The following PRCD variants were observed in gnomAD, a reference collection of about 807,000 sequenced individuals.
PRCD encodes photoreceptor disc component, also known as photoreceptor disk component PRCD.
PRCD carries 12 observed loss-of-function variants against 10.1 expected under a neutral mutation model. The ratio of observed to expected loss-of-function variants is 1.18; its 90% CI spans 0.76 to 1.92. The LOEUF (loss-of-function observed/expected upper bound fraction) is 1.92. Among genes scored for constraint, PRCD ranks in the 40% most tolerant of loss-of-function variants. PRCD has a pLI of 0.00. For synonymous variants in PRCD, 31 were observed against 26.2 expected (o/e 1.18, Z -0.56); for missense variants, 61 against 72.2 (o/e 0.84, Z 0.56).
rs1232800553 is a variant in PRCD, at chr17:76,528,662, G to A, written n.45+829G>A. ...ACAAACGTTACCAGAGGCAGGGAAG[G>A]ACCCTCGGGGGAAAGGGGGAGGACC... On this transcript the variant is annotated intron_variant and non_coding_transcript_variant, in intron 1 of 4. Transcript: ENST00000397633. This position sits in a 1 kb window ranked among gnomAD's most constrained non-coding sequence, Gnocchi z 5.8. 3 of 1,251,974 alleles carry A rather than the reference G, an allele frequency of 2.4e-6. No individual in the cohort carries two copies. Among genetic ancestry groups the A allele is most frequent in the South Asian group, 3.9e-5 (1 of 25,514 alleles). 77.6% of individuals were successfully genotyped at this position (1,251,974 alleles called of 1,614,324 possible).
At position 76,542,633 on chromosome 17, in the gene PRCD, G is replaced by A. The variant is rs1435212517; in HGVS notation, c.*59G>A. On this transcript the variant is annotated splice_region_variant and 3_prime_UTR_variant, in exon 3 of 5. Transcript: ENST00000592014. ...AGACTGGGATCAGCTGGCTCAGGCA[G>A]GTAGGGCAGGGCTGGGAGCCGGGGA... 12 of 1,601,136 alleles carry A rather than the reference G, an allele frequency of 7.5e-6. No individual in the cohort carries two copies. Among genetic ancestry groups the A allele is most frequent in the Non-Finnish European group, 1.0e-5 (12 of 1,168,364 alleles).
intron 2 of PRCD, among the ~76,000 whole-genome samples, chr17:76,541,919 G>A (rs1486946093): frequency 6.6e-6 from 1 of 152,224 alleles, no homozygotes; most frequent in Admixed American, 6.5e-5. Context: ...GGTGCAGAGT[G>A]ATTGCTCCAT....
At chr17:76,549,305 T>TA (rs1236750337), downstream of PRCD, among the ~76,000 whole-genome samples, 4 of 152,180 alleles carry the variant, frequency 2.6e-5, no homozygotes, top group Admixed American at 6.5e-5. Flanking sequence ...CAACAAAAAA[T>TA]AAACATACAG....
At chr17:76,532,562 C>T (rs982659752) in intron 1 of PRCD, among the ~76,000 whole-genome samples, 3 of 140,924 alleles carry the variant, frequency 2.1e-5, no homozygotes, top group African/African-American at 7.9e-5. Flanking sequence ...GATGGAGTCT[C>T]ACTCTGTCAT....
rs748261845 is a variant in PRCD, at chr17:76,544,585, C to T, written c.*935C>T. ...GCCTGCAGAGGCAAAGCCAGAGCGCCAGCCTGACCCAGGCCGTGAGCCCGT... is the reference window on the plus strand; with the variant it reads ...GCCTGCAGAGGCAAAGCCAGAGCGCTAGCCTGACCCAGGCCGTGAGCCCGT... On this transcript the variant is annotated 3_prime_UTR_variant, in exon 5 of 5. Coordinates refer to ENST00000592014, the MANE Select transcript of PRCD (RefSeq NM_001077620.3). 5 of 456,606 alleles carry T rather than the reference C, an allele frequency of 1.1e-5. No individual in the cohort carries two copies. Among genetic ancestry groups the T allele is most frequent in the Non-Finnish European group, 2.2e-5 (5 of 226,988 alleles). The allele number at this position is 456,606 out of a possible 1,614,324, so 28.3% of individuals were successfully genotyped here.
chr17:76,547,906 A>ACACATTCACACACAC, downstream of PRCD, among the ~76,000 whole-genome samples: 1 of 128,082 alleles, frequency 7.8e-6, no homozygotes, highest in East Asian at 2.0e-4. Context: ...GACACACATA[A>ACACATTCACACACAC]CACATTCACA....
At position 76,528,303 on chromosome 17, in the gene PRCD, C is replaced by T. The variant is rs1478513880; in HGVS notation, n.45+470C>T. On this transcript the variant is annotated intron_variant and non_coding_transcript_variant, in intron 1 of 4. Transcript: ENST00000397633. The surrounding 1 kb of genome is among the most constrained non-coding windows in gnomAD (Gnocchi z 5.8). ...TAGACCTGTCCCGCTTCCTGCCAGC[C>T]GCTCAGCTAGGTCTCTCTCTAACAG... 8 of 400,246 alleles carry T rather than the reference C, an allele frequency of 2.0e-5. No homozygotes were observed. The highest frequency in any genetic ancestry group is 1.2e-4 in the South Asian group (1 of 8,318). 24.8% of individuals were successfully genotyped at this position (400,246 alleles called of 1,614,324 possible).
At position 76,533,505 on chromosome 17, in the gene PRCD, G is replaced by A. The variant is rs1418450788; in HGVS notation, n.45+5672G>A. ...TTTACGAGGCCGAGGCGGGTGGATT[G>A]CTTGAGCTCAGGCATTTGAGACCAG... On this transcript the variant is annotated intron_variant and non_coding_transcript_variant, in intron 1 of 4. Coordinates refer to the PRCD transcript ENST00000397633. The surrounding 1 kb of genome is among the most constrained non-coding windows in gnomAD (Gnocchi z 4.5). Among the ~76,000 whole-genome samples, 1 of 152,202 alleles carries A rather than the reference G, an allele frequency of 6.6e-6. No homozygotes were observed. Among genetic ancestry groups the A allele is most frequent in the Non-Finnish European group, 1.5e-5 (1 of 68,030 alleles).
rs1236502264 is a variant in PRCD, at chr17:76,528,037, G to A, written n.45+204G>A. 1.6e-5 allele frequency: 6 copies of A among 369,356 alleles called. No homozygotes were observed. The highest frequency in any genetic ancestry group is 3.1e-5 in the Non-Finnish European group (6 of 191,322). The allele number at this position is 369,356 out of a possible 1,614,324, so 22.9% of individuals were successfully genotyped here. ...AGAACACTCTGTTCTCTGCACAACC[G>A]GAACCCCTCCCTGCCCCACTCACAG... On this transcript the variant is annotated intron_variant and non_coding_transcript_variant, in intron 1 of 4. Transcript: ENST00000397633. This position sits in a 1 kb window ranked among gnomAD's most constrained non-coding sequence, Gnocchi z 5.8.
Position 76,540,515 on chromosome 17 carries a change from G to C in PRCD, c.85G>C (p.Asp29His), listed in dbSNP as rs372084413. ...TCTTGCCTCCCACAGAGAGCCCAGC[G>C]ACGTGGATGGGGCAGCTAGGGGCAG... Reference protein sequence around the residue: ...FANRVQPEPSDVDGAARGSSL... With the variant: ...FANRVQPEPSHVDGAARGSSL... The change falls in exon 2 of 5, where the codon GAC becomes CAC. Residue 29 changes from aspartate (D) to histidine (H), a missense_variant. By Grantham distance (81) the Asp-to-His change is moderately conservative (BLOSUM62 -1). Coordinates refer to ENST00000592014, the MANE Select transcript of PRCD (RefSeq NM_001077620.3). The surrounding 1 kb of genome is among the most constrained non-coding windows in gnomAD (Gnocchi z 5.0). The C allele has an allele frequency of 3.7e-5, 60 of 1,613,696 alleles. No individual in the cohort carries two copies. The highest frequency in any genetic ancestry group is 1.6e-4 in the Middle Eastern group (1 of 6,062).
In PRCD at chr17:76,529,751, G is replaced by A. The variant is rs2074812890; in HGVS notation, n.45+1918G>A. 3.0e-6 allele frequency: 3 copies of A among 985,214 alleles called. No homozygotes were observed. The South Asian group carries it at 1.4e-4, about 46-fold the overall frequency. 61.0% of individuals were successfully genotyped at this position (985,214 alleles called of 1,614,324 possible). A position where few individuals can be genotyped will look rare whatever the true frequency, so the allele number is the denominator to read the frequency against. Reference sequence around the variant, plus strand: ...TGAGGGGGCAACCACTGCTCTCCACGCCCTGCCAGTGCCCTCCTCTGGTGG... The same window carrying A: ...TGAGGGGGCAACCACTGCTCTCCACACCCTGCCAGTGCCCTCCTCTGGTGG... On this transcript the variant is annotated intron_variant and non_coding_transcript_variant, in intron 1 of 4. Coordinates refer to the PRCD transcript ENST00000397633.
Position 76,540,684 on chromosome 17 carries a change from C to A in PRCD, c.143+111C>A. The A allele has an allele frequency of 9.2e-7, 1 of 1,086,370 alleles. No homozygotes were observed. Among genetic ancestry groups the A allele is most frequent in the Non-Finnish European group, 1.4e-6 (1 of 721,198 alleles). The allele number at this position is 1,086,370 out of a possible 1,614,324, so 67.3% of individuals were successfully genotyped here. A position where few individuals can be genotyped will look rare whatever the true frequency, so the allele number is the denominator to read the frequency against. On this transcript the variant is annotated intron_variant, in intron 2 of 4. Coordinates refer to ENST00000592014, the MANE Select transcript of PRCD (RefSeq NM_001077620.3). This position sits in a 1 kb window ranked among gnomAD's most constrained non-coding sequence, Gnocchi z 5.0. ...GTGCGCGCCTGTGCGTGCACCGTAT[C>A]CTGGCCCTTGCCCTAAGCACCCTGC...
In PRCD at chr17:76,533,081, T is replaced by A. The variant is rs1222602374; in HGVS notation, n.45+5248T>A. Among the ~76,000 whole-genome samples, 1 of 152,196 alleles carries A rather than the reference T, an allele frequency of 6.6e-6. No individual in the cohort carries two copies. Among genetic ancestry groups the A allele is most frequent in the Non-Finnish European group, 1.5e-5 (1 of 68,032 alleles). On this transcript the variant is annotated intron_variant and non_coding_transcript_variant, in intron 1 of 4. Transcript: ENST00000397633. The surrounding 1 kb of genome is among the most constrained non-coding windows in gnomAD (Gnocchi z 4.5). ...TCTCAGATGTGAGGGCTGGAACAGA[T>A]GCGGAGAGGGCATCTGGCCGGGTCA...
At chr17:76,538,409 GCGCC>G (rs1598209480), upstream of PRCD, 1 of 426,456 alleles carries the variant, frequency 2.3e-6, no homozygotes, top group East Asian at 8.7e-5. Context: ...CCAGAGGCCT[GCGCC>G]CCCTCTCCTT....
Position 76,544,475 on chromosome 17 carries a change from C to T in PRCD, c.*825C>T, listed in dbSNP as rs1421842138. 1 of 455,652 alleles carries T rather than the reference C, an allele frequency of 2.2e-6. No homozygotes were observed. Among genetic ancestry groups the T allele is most frequent in the Non-Finnish European group, 4.4e-6 (1 of 226,986 alleles). 28.2% of individuals were successfully genotyped at this position (455,652 alleles called of 1,614,324 possible). On this transcript the variant is annotated 3_prime_UTR_variant, in exon 5 of 5. Coordinates refer to ENST00000592014, the MANE Select transcript of PRCD (RefSeq NM_001077620.3). ...CCTGCTGGTACCTCGGGGAGCCTGGCTGGGGTGTGTGCGAAGGCAGTTCTG... is the reference window on the plus strand; with the variant it reads ...CCTGCTGGTACCTCGGGGAGCCTGGTTGGGGTGTGTGCGAAGGCAGTTCTG...
At chr17:76,527,748 T>TC (rs2074784328), upstream of PRCD, 2 of 453,856 alleles carry the variant, frequency 4.4e-6, no homozygotes, top group South Asian at 3.1e-5. Flanking sequence ...GAGCTAGCGG[T>TC]CGAGGTTTCT....
downstream of PRCD, chr17:76,546,578 C>T (rs1459280432): frequency 6.6e-6 from 1 of 152,054 alleles, no homozygotes; most frequent in African/African-American, 2.4e-5. This position sits in a 1 kb window ranked among gnomAD's most constrained non-coding sequence, Gnocchi z 4.5. Context: ...AGAGCAAACC[C>T]TGCTGGTTCC....
downstream of PRCD, among the ~76,000 whole-genome samples, chr17:76,549,174 G>C (rs1316896000): frequency 3.3e-5 from 5 of 152,222 alleles, no homozygotes; most frequent in Non-Finnish European, 5.9e-5. Flanking sequence ...AAGACTAGGA[G>C]TAAATATTTG....
chr17:76,546,174 C>G (rs2075051311), downstream of PRCD: 1 of 152,374 alleles, frequency 6.6e-6, no homozygotes, highest in Non-Finnish European at 1.5e-5. The surrounding 1 kb of genome is among the most constrained non-coding windows in gnomAD (Gnocchi z 4.5). Flanking sequence ...GCTGGGGGAG[C>G]CTGAGTGACG....
Sources: allele counts gnomAD v4.1 joint callset (sites outside exome capture counted in the v4.1 genomes callset), GRCh38; gene constraint gnomAD v4.1.1; non-coding constraint Gnocchi (gnomAD v3.1); transcripts MANE v1.5; gene names NCBI Gene and HGNC (gene_info 2026-07-23, HGNC 2026-07-21).